Variants in CFAP299 observed in about 807,000 individuals in gnomAD.
CFAP299 encodes cilia and flagella associated protein 299, also known as cilia- and flagella-associated protein 299.
In CFAP299, 21 loss-of-function variants were observed where a neutral mutation model predicts 27.0. That is an observed-to-expected ratio of 0.78 (90% CI 0.55 to 1.12). The LOEUF is 1.12. CFAP299 is among the 50% of genes most tolerant of loss of function. The probability of loss-of-function intolerance (pLI) is 0.00; values close to 1 mark genes in which losing one functional copy is unlikely to be tolerated. For missense variants in CFAP299, 310 were observed against 276.6 expected (o/e 1.12, Z -0.86); for synonymous variants, 104 against 98.1 (o/e 1.06, Z -0.36).
At chr4:80,827,799 A>G in intron 3 of CFAP299, among the ~76,000 whole-genome samples, 1 of 151,970 alleles carries the variant, frequency 6.6e-6, no homozygotes, top group East Asian at 1.9e-4. Flanking sequence ...TATGTAGAAA[A>G]CCCTACAGGT....
chr4:80,867,948 A>G (rs1207006104), intron 3 of CFAP299, among the ~76,000 whole-genome samples: 1 of 152,102 alleles, frequency 6.6e-6, no homozygotes, highest in Non-Finnish European at 1.5e-5. Flanking sequence ...TGGTTGATTA[A>G]CTTTATATAT....
chr4:80,755,978 G>A (rs1725215052), intron 3 of CFAP299, among the ~76,000 whole-genome samples: 1 of 151,942 alleles, frequency 6.6e-6, no homozygotes, highest in African/African-American at 2.4e-5. Flanking sequence ...CCAGTTCTTT[G>A]GACATGAAGT....
At chr4:80,650,986 C>A (rs768512692) in intron 3 of CFAP299, among the ~76,000 whole-genome samples, 1 of 151,806 alleles carries the variant, frequency 6.6e-6, no homozygotes, top group Non-Finnish European at 1.5e-5. Context: ...AACCAAATAC[C>A]ACCTGTTCTC....
chr4:80,622,498 C>T (rs1738658125), intron 3 of CFAP299, among the ~76,000 whole-genome samples: 1 of 152,056 alleles, frequency 6.6e-6, no homozygotes, highest in African/African-American at 2.4e-5. Flanking sequence ...GTTGATTTGC[C>T]TATTTCTATA....
intron 3 of CFAP299, among the ~76,000 whole-genome samples, chr4:80,711,376 T>A (rs1294624196): frequency 1.3e-5 from 2 of 152,248 alleles, no homozygotes; most frequent in Non-Finnish European, 2.9e-5. Context: ...AGAGAGCTAG[T>A]GTAAGTAAGC....
At chr4:80,567,573 T>G (rs1735365502) in intron 2 of CFAP299, among the ~76,000 whole-genome samples, 1 of 151,968 alleles carries the variant, frequency 6.6e-6, no homozygotes, top group Non-Finnish European at 1.5e-5. Context: ...CGGATTTAGC[T>G]CTACTGTTCT....
intron 3 of CFAP299, among the ~76,000 whole-genome samples, chr4:80,644,997 C>T (rs370899699): frequency 1.3e-5 from 2 of 151,990 alleles, no homozygotes; most frequent in Non-Finnish European, 2.9e-5. Flanking sequence ...TATGATGCAC[C>T]AGCCCCCCCT....
At chr4:80,919,113 C>G (rs994103997) in intron 4 of CFAP299, among the ~76,000 whole-genome samples, 20 of 152,058 alleles carry the variant, frequency 1.3e-4, no homozygotes, top group Middle Eastern at 3.2e-3. Flanking sequence ...AACCCACAAC[C>G]CTATGGACCT....
intron 4 of CFAP299, among the ~76,000 whole-genome samples, chr4:80,886,542 A>G (rs1267439899): frequency 6.6e-6 from 1 of 152,218 alleles, no homozygotes; most frequent in Non-Finnish European, 1.5e-5. Flanking sequence ...GCCTGTAAAA[A>G]TCACAGCACG....
intron 2 of CFAP299, among the ~76,000 whole-genome samples, chr4:80,452,441 G>A (rs1728947579): frequency 6.6e-6 from 1 of 152,106 alleles, no homozygotes; most frequent in Admixed American, 6.5e-5. Flanking sequence ...AATTTCTTCA[G>A]AGAATTTATT....
In CFAP299 at chr4:80,830,654, A is replaced by C. The variant is rs141698034; in HGVS notation, c.334-39339A>C. On this transcript the variant is annotated intron_variant, in intron 3 of 5. Coordinates refer to ENST00000358105, the MANE Select transcript of CFAP299 (RefSeq NM_152770.3). Reference sequence around the variant, plus strand: ...ACATTAAAGAAGTTGAGCAGGACTCAACTTGGAATGTTAGATCACTCTGGC... The same window carrying C: ...ACATTAAAGAAGTTGAGCAGGACTCCACTTGGAATGTTAGATCACTCTGGC... Among the ~76,000 whole-genome samples the C allele has an allele frequency of 1.5e-3, 225 of 152,228 alleles. 1 individual carries two copies. The highest frequency in any genetic ancestry group is 3.9e-3 in the Admixed American group (60 of 15,276).
chr4:80,398,753 G>A (rs192687080), intron 2 of CFAP299, among the ~76,000 whole-genome samples: 62 of 152,210 alleles, frequency 4.1e-4, no homozygotes, highest in South Asian at 1.7e-3. Flanking sequence ...TAAAACCTAG[G>A]CAATACCATT....
chr4:80,413,986 A>C (rs1202117481), intron 2 of CFAP299, among the ~76,000 whole-genome samples: 1 of 151,938 alleles, frequency 6.6e-6, no homozygotes, highest in Non-Finnish European at 1.5e-5. Flanking sequence ...ATAAGCATGA[A>C]TATCATCTCT....
the CFAP299 span, among the ~76,000 whole-genome samples, chr4:80,327,690 TTA>T: frequency 0.012 from 590 of 51,198 alleles, 10 homozygotes; most frequent in East Asian, 0.045. Context: ...TAGAGAGAAG[TTA>T]TATATATATA....
At chr4:80,800,447 T>G (rs1728415769) in intron 3 of CFAP299, among the ~76,000 whole-genome samples, 1 of 51,006 alleles carries the variant, frequency 2.0e-5, no homozygotes, top group Non-Finnish European at 3.1e-5. Flanking sequence ...AATATATTGA[T>G]ATATTAATAT....
intron 3 of CFAP299, among the ~76,000 whole-genome samples, chr4:80,868,137 C>T (rs1379425306): frequency 6.6e-6 from 1 of 152,126 alleles, no homozygotes; most frequent in Non-Finnish European, 1.5e-5. Context: ...TTATTTCAAA[C>T]ATTTTAAACA....
chr4:80,365,872 A>T (rs1050283341), intron 2 of CFAP299, among the ~76,000 whole-genome samples: 1 of 152,246 alleles, frequency 6.6e-6, no homozygotes, highest in African/African-American at 2.4e-5. Context: ...GGATCAAAGT[A>T]GGTATTTCCT....
intron 3 of CFAP299, among the ~76,000 whole-genome samples, chr4:80,862,923 T>A (rs1732471633): frequency 6.6e-6 from 1 of 152,204 alleles, no homozygotes; most frequent in African/African-American, 2.4e-5. Flanking sequence ...CATTTCTAAA[T>A]GTTAGAAAAC....
intron 3 of CFAP299, among the ~76,000 whole-genome samples, chr4:80,728,617 C>T (rs72864875): frequency 8.5e-4 from 130 of 152,300 alleles, no homozygotes; most frequent in African/African-American, 3.0e-3. Context: ...TTTCCTTCCA[C>T]ACGCTTTATG....
Sources: gnomAD v4.1 joint callset for allele counts (sites outside exome capture counted in the v4.1 genomes callset) on GRCh38, gnomAD v4.1.1 for gene constraint, MANE v1.5 for transcripts, NCBI Gene and HGNC (gene_info 2026-07-23, HGNC 2026-07-21) for gene names.